Variants in ZNF169 observed in about 807,000 individuals in gnomAD.
The protein encoded by ZNF169 is zinc finger protein 169.
A neutral mutation model predicts 12.0 loss-of-function variants in ZNF169; 11 were observed. The ratio of observed to expected loss-of-function variants is 0.92; its 90% CI spans 0.58 to 1.52. The LOEUF is 1.52. Among genes scored for constraint, ZNF169 ranks in the 40% most tolerant of loss-of-function variants. ZNF169 has a pLI of 0.00. For missense variants in ZNF169, 722 were observed against 744.0 expected (o/e 0.97, Z 0.34); for synonymous variants, 302 against 286.5 (o/e 1.05, Z -0.55).
intron 3 of ZNF169, chr9:94,292,678 A>G (rs1830869806): frequency 4.3e-6 from 3 of 701,402 alleles, no homozygotes; most frequent in Admixed American, 5.9e-5. Context: ...TGTGTCTGAC[A>G]CTGCATTTTT....
intron 2 of ZNF169, chr9:94,287,717 T>G: frequency 7.5e-7 from 1 of 1,326,618 alleles, no homozygotes; most frequent in South Asian, 1.2e-5. Flanking sequence ...GAAATTCTAG[T>G]CCTCAACCAA....
At chr9:94,262,399 C>T (rs1158764308) in intron 1 of ZNF169, among the ~76,000 whole-genome samples, 1 of 151,960 alleles carries the variant, frequency 6.6e-6, no homozygotes, top group Admixed American at 6.6e-5. Context: ...CTGAGGTCAG[C>T]GAGATCTACT....
intron 4 of ZNF169, among the ~76,000 whole-genome samples, chr9:94,296,453 G>A (rs1215887142): frequency 2.0e-5 from 3 of 152,078 alleles, no homozygotes; most frequent in Non-Finnish European, 4.4e-5. Context: ...AGGTCAAAAA[G>A]ATTCTCATTT....
At chr9:94,284,074 A>G (rs1830683007) in intron 2 of ZNF169, among the ~76,000 whole-genome samples, 1 of 128,760 alleles carries the variant, frequency 7.8e-6, no homozygotes, top group African/African-American at 2.6e-5. Context: ...TCTGTCTCAA[A>G]AAAAAAAAAA....
chr9:94,293,444 T>G (rs1285891009), intron 4 of ZNF169: 6 of 514,212 alleles, frequency 1.2e-5, no homozygotes, highest in East Asian at 3.7e-5. Flanking sequence ...TGAGACAGAG[T>G]CTCGTTCTGT....
intron 2 of ZNF169, among the ~76,000 whole-genome samples, chr9:94,287,356 ATTGTTTGT>A (rs144633861): frequency 2.6e-4 from 39 of 151,364 alleles, no homozygotes; most frequent in African/African-American, 8.0e-4. Flanking sequence ...ATACTGCAAA[ATTGTTTGT>A]TTGTTTGTTT....
rs1231602972 is a variant in ZNF169 at position 94,292,858 on chromosome 9, C to T, written c.161-116C>T. 13 of 842,784 alleles carry T rather than the reference C, an allele frequency of 1.5e-5. No homozygotes were observed. The East Asian group carries it at 2.9e-4, about 19-fold the overall frequency. The allele number at this position is 842,784 out of a possible 1,614,324, so 52.2% of individuals were successfully genotyped here. On this transcript the variant is annotated intron_variant, in intron 3 of 4. Coordinates refer to ENST00000395395, the MANE Select transcript of ZNF169 (RefSeq NM_194320.4). ...CATTCAGACATAGTTTACTCCACCC[C>T]TGCACCTCCCTACCACCTTCTGGGT...
intron 1 of ZNF169, among the ~76,000 whole-genome samples, chr9:94,260,635 C>T (rs1362297002): frequency 6.6e-6 from 1 of 152,034 alleles, no homozygotes; most frequent in Non-Finnish European, 1.5e-5. Context: ...TTGTCGGCTT[C>T]TGCAGCTGTG....
chr9:94,260,829 T>G (rs985886165), intron 1 of ZNF169, among the ~76,000 whole-genome samples: 23 of 104,400 alleles, frequency 2.2e-4, no homozygotes, highest in Non-Finnish European at 3.3e-4. Context: ...TTTTTTTTTT[T>G]TTTTTTTTTG....
chr9:94,292,739 A>G (rs1223766202), intron 3 of ZNF169: 4 of 615,848 alleles, frequency 6.5e-6, no homozygotes, highest in Non-Finnish European at 1.1e-5. Flanking sequence ...TCCTCCTTCA[A>G]AAGGAGGAAT....
Position 94,300,442 on chromosome 9 carries a change from G to A in ZNF169, c.884G>A (p.Cys295Tyr). 1 of 1,614,116 alleles carries A rather than the reference G, an allele frequency of 6.2e-7. No homozygotes were observed. The highest frequency in any genetic ancestry group is 8.5e-7 in the Non-Finnish European group (1 of 1,180,022). The change falls in exon 5 of 5, where the codon TGT becomes TAT. Residue 295 changes from cysteine (C) to tyrosine (Y), a missense_variant. By Grantham distance (194) the Cys-to-Tyr change is radical. Coordinates refer to ENST00000395395, the MANE Select transcript of ZNF169 (RefSeq NM_194320.4). ...GAGAAGCCGTATGTGTGCAGGGAAT[G>A]TGGGCGACACTTCAGGTATACATCC... ...SGEKPYVCRE[C>Y]GRHFRYTSSL...
Position 94,298,565 on chromosome 9 carries a change from G to A in ZNF169, c.257-1250G>A, listed in dbSNP as rs1037575239. Among the ~76,000 whole-genome samples the A allele has an allele frequency of 1.1e-4, 16 of 151,466 alleles. No individual in the cohort carries two copies. In the South Asian group the frequency reaches 2.1e-3, roughly 20 times the overall value. ...CAGCCTGGCCAACATGGTGAAACCC[G>A]ATCTCTACTAAAAATACAAAACTTA... On this transcript the variant is annotated intron_variant, in intron 4 of 4. Coordinates refer to ENST00000395395, the MANE Select transcript of ZNF169 (RefSeq NM_194320.4).
At position 94,301,718 on chromosome 9, in the gene ZNF169, A is replaced by G. The variant is rs546112735; in HGVS notation, c.*348A>G. 6.6e-6 allele frequency among the ~76,000 whole-genome samples: 1 copy of G among 152,052 alleles called. No individual in the cohort carries two copies. The highest frequency in any genetic ancestry group is 1.5e-5 in the Non-Finnish European group (1 of 68,012). The stretch of plus-strand genomic sequence containing the variant: ...CTCACGTGGGCTTTTTTCTGTGTGT[A>G]TGCTTTCCTGGTGTGGCTTCCTCCT... On this transcript the variant is annotated 3_prime_UTR_variant, in exon 5 of 5. Coordinates refer to ENST00000395395, the MANE Select transcript of ZNF169 (RefSeq NM_194320.4).
chr9:94,286,981 T>G (rs1280747496), intron 2 of ZNF169, among the ~76,000 whole-genome samples: 1 of 152,302 alleles, frequency 6.6e-6, no homozygotes, highest in African/African-American at 2.4e-5. Context: ...CAGGTGAGTT[T>G]GTACACACAA....
At chr9:94,280,113 C>A (rs1255742215) in intron 2 of ZNF169, among the ~76,000 whole-genome samples, 3 of 152,046 alleles carry the variant, frequency 2.0e-5, no homozygotes, top group African/African-American at 7.2e-5. Context: ...AATGAGAGAT[C>A]TGTATGTAAT....
chr9:94,300,421 A>G lies in ZNF169; in HGVS notation c.863A>G (p.Lys288Arg). 1 of 1,613,630 alleles carries G rather than the reference A, an allele frequency of 6.2e-7. No homozygotes were observed. Among genetic ancestry groups the G allele is most frequent in the South Asian group, 1.1e-5 (1 of 91,050 alleles). The change falls in exon 5 of 5, where the codon AAG becomes AGG. Residue 288 changes from lysine to arginine, a missense_variant. Lys to Arg is a conservative substitution (Grantham distance 26). Transcript: ENST00000395395. ...CACCAGAGGAAGCACTCGGGGGAGA[A>G]GCCGTATGTGTGCAGGGAATGTGGG... ...SIHQRKHSGE[K>R]PYVCRECGRH...
intron 2 of ZNF169, among the ~76,000 whole-genome samples, chr9:94,291,445 C>T (rs973860556): frequency 3.9e-5 from 6 of 152,108 alleles, no homozygotes; most frequent in African/African-American, 9.7e-5. Flanking sequence ...TCTCATTCAA[C>T]ATAGCGCTGG....
At chr9:94,260,312 C>T (rs558436844) in intron 1 of ZNF169, among the ~76,000 whole-genome samples, 1 of 152,372 alleles carries the variant, frequency 6.6e-6, no homozygotes, top group South Asian at 2.1e-4. Context: ...CTCGGCCTCC[C>T]AAAGTACTGG....
intron 4 of ZNF169, chr9:94,299,512 T>A: frequency 7.7e-7 from 1 of 1,298,494 alleles, no homozygotes; most frequent in Non-Finnish European, 9.7e-7. Flanking sequence ...TCAGGCAAGG[T>A]TTAATAGGCT....
Sources: gnomAD v4.1 joint callset for allele counts (sites outside exome capture counted in the v4.1 genomes callset) on GRCh38, gnomAD v4.1.1 for gene constraint, MANE v1.5 for transcripts, NCBI Gene and HGNC (gene_info 2026-07-23, HGNC 2026-07-21) for gene names.